Variants in ABI3BP observed in about 807,000 individuals in gnomAD.
ABI3BP encodes ABI family member 3 binding protein.
ABI3BP carries 216 observed loss-of-function variants against 268.6 expected under a neutral mutation model. That is an observed-to-expected ratio of 0.80 (90% confidence interval 0.72 to 0.90). The LOEUF is 0.90. Ranked by LOEUF, ABI3BP falls within the 40% of genes least tolerant of loss-of-function variation. The probability of loss-of-function intolerance (pLI) is 0.00; values close to 1 mark genes in which losing one functional copy is unlikely to be tolerated. For synonymous variants in ABI3BP, 730 were observed against 730.0 expected, an observed-to-expected ratio of 1.00 and a Z score of 0.00; for missense variants, 2,090 against 2,182.4, an observed-to-expected ratio of 0.96 and a Z score of 0.84.
chr3:100,890,349 T>C (rs1177729577), intron 4 of ABI3BP, among the ~76,000 whole-genome samples: 1 of 152,150 alleles, frequency 6.6e-6, no homozygotes, highest in Non-Finnish European at 1.5e-5. Flanking sequence ...AATTCTGCCC[T>C]CATTCCCTTC....
At chr3:100,867,922 G>A (rs148643835) in intron 9 of ABI3BP, among the ~76,000 whole-genome samples, 151 of 152,206 alleles carry the variant, frequency 9.9e-4, no homozygotes, top group Non-Finnish European at 1.6e-3. Context: ...AAATGTAGAT[G>A]TTCTTTTTCA....
chr3:100,847,788 T>G (rs370571625), intron 18 of ABI3BP, 115 bp from the exon 19 acceptor site: 13 of 820,230 alleles, frequency 1.6e-5, no homozygotes, highest in East Asian at 7.3e-5. Flanking sequence ...AGTCAAAGTA[T>G]ACAATGAGTA....
chr3:100,749,619 C>T lies in ABI3BP; in HGVS notation c.*876G>A. On this transcript the variant is annotated 3_prime_UTR_variant, in exon 68 of 68. Transcript: ENST00000471714. ...TCATAGAGGTCTTAACGTATAAATA[C>T]ATAGTAAATATCCTATAAAATGGTA... 2.5e-6 allele frequency: 1 copy of T among 398,126 alleles called. No homozygotes were observed. The highest frequency in any genetic ancestry group is 3.6e-5 in the East Asian group (1 of 27,952). 24.7% of individuals were successfully genotyped at this position (398,126 alleles called of 1,614,324 possible).
At chr3:100,909,104 C>A (rs559516685) in intron 2 of ABI3BP, among the ~76,000 whole-genome samples, 2 of 152,118 alleles carry the variant, frequency 1.3e-5, no homozygotes, top group African/African-American at 2.4e-5. Context: ...AATAACAGCA[C>A]GCATCTACAA....
chr3:100,929,846 A>C (rs1225757241), intron 1 of ABI3BP, among the ~76,000 whole-genome samples: 1 of 151,486 alleles, frequency 6.6e-6, no homozygotes, highest in Non-Finnish European at 1.5e-5. Context: ...TACCAAATTG[A>C]CTCTTTCAGT....
At chr3:100,763,260 A>G (rs2096072864) in intron 63 of ABI3BP, among the ~76,000 whole-genome samples, 1 of 152,192 alleles carries the variant, frequency 6.6e-6, no homozygotes, top group East Asian at 1.9e-4. Flanking sequence ...CAGGAGTTCA[A>G]GACCAGCCTA....
At chr3:100,987,008 T>G (rs534593803) in intron 1 of ABI3BP, among the ~76,000 whole-genome samples, 227 of 152,342 alleles carry the variant, frequency 1.5e-3, no homozygotes, top group Non-Finnish European at 2.8e-3. Context: ...CTTATTTGAC[T>G]AGTAATCTCT....
chr3:100,883,211 G>T (rs1438023225), intron 6 of ABI3BP, among the ~76,000 whole-genome samples: 1 of 126,100 alleles, frequency 7.9e-6, no homozygotes, highest in Non-Finnish European at 1.8e-5. Flanking sequence ...AAAACTAAAA[G>T]AAAGGAAAGA....
At chr3:100,793,826 G>T (rs528431605) in intron 54 of ABI3BP, among the ~76,000 whole-genome samples, 1 of 152,094 alleles carries the variant, frequency 6.6e-6, no homozygotes, top group East Asian at 1.9e-4. Flanking sequence ...GGAGAGAGGA[G>T]CCAACAAACA....
intron 22 of ABI3BP, 96 bp from the exon 23 acceptor site, chr3:100,840,260 T>C: frequency 1.1e-6 from 1 of 918,690 alleles, no homozygotes; most frequent in South Asian, 1.9e-5. Flanking sequence ...TTAAACCCTT[T>C]GATTTACTGT....
At chr3:100,912,102 G>A (rs1291445393) in intron 2 of ABI3BP, 2 of 613,266 alleles carry the variant, frequency 3.3e-6, no homozygotes, top group South Asian at 1.7e-5. Flanking sequence ...CACCTTCCGT[G>A]TCCCAGACAG....
chr3:100,821,464 TG>T (rs2098221669), intron 38 of ABI3BP, among the ~76,000 whole-genome samples: 1 of 152,064 alleles, frequency 6.6e-6, no homozygotes, highest in South Asian at 2.1e-4. Flanking sequence ...TGCCTTCATG[TG>T]GAAAGAACAG....
In ABI3BP at chr3:100,788,224, T is replaced by C. The variant is rs115290162; in HGVS notation, c.4088-422A>G. Among the ~76,000 whole-genome samples, 547 of 152,284 alleles carry C rather than the reference T, an allele frequency of 3.6e-3. 4 individuals are homozygous for C. The highest frequency in any genetic ancestry group is 5.3e-3 in the Non-Finnish European group (360 of 67,996). On this transcript the variant is annotated intron_variant, in intron 56 of 67. Transcript: ENST00000471714. The stretch of plus-strand genomic sequence containing the variant: ...AAGTTGGAGTCTTTCCACATCCTTT[T>C]GTGGGAATCCCTAGGTACAGAGGTT...
chr3:100,912,389 C>G (rs1439975944), intron 2 of ABI3BP, among the ~76,000 whole-genome samples: 1 of 148,594 alleles, frequency 6.7e-6, no homozygotes, highest in Non-Finnish European at 1.5e-5. Context: ...GATACAAGAG[C>G]AGTACCATTA....
At chr3:100,832,040 A>G (rs963638783) in intron 31 of ABI3BP, among the ~76,000 whole-genome samples, 7 of 152,164 alleles carry the variant, frequency 4.6e-5, no homozygotes, top group African/African-American at 1.7e-4. Context: ...TCTTTAAGAC[A>G]GGAATGAAAT....
chr3:100,906,101 G>C (rs1437100456), intron 2 of ABI3BP, among the ~76,000 whole-genome samples: 1 of 152,062 alleles, frequency 6.6e-6, no homozygotes, highest in Admixed American at 6.5e-5. Context: ...TCTCACTCTA[G>C]CAGAGTCTCT....
Position 100,840,746 on chromosome 3 carries a change from T to C in ABI3BP, c.1804+74A>G, listed in dbSNP as rs2152920884. ...GGACATTAATGTATTAATTCATTAA[T>C]GTGAGTCTGTCAACACAGATACCAG... On this transcript the variant is annotated intron_variant, in intron 22 of 67. Transcript: ENST00000471714. 2.3e-6 allele frequency: 3 copies of C among 1,294,682 alleles called. 1 individual carries two copies. Among genetic ancestry groups the C allele is most frequent in the South Asian group, 2.7e-5 (2 of 75,126 alleles). The allele number at this position is 1,294,682 out of a possible 1,614,324, so 80.2% of individuals were successfully genotyped here.
chr3:100,794,905 T>A lies in ABI3BP; in HGVS notation c.3946+18A>T. 1.9e-6 allele frequency: 3 copies of A among 1,540,262 alleles called. No individual in the cohort carries two copies. The highest frequency in any genetic ancestry group is 2.6e-6 in the Non-Finnish European group (3 of 1,135,510). The stretch of plus-strand genomic sequence containing the variant: ...AAAAGGCAAGCTCTCTTTGAACAAA[T>A]ATTAAAACGAAATTTACCCAGAGTG... On this transcript the variant is annotated intron_variant, in intron 54 of 67. Transcript: ENST00000471714.
At position 100,882,229 on chromosome 3, in the gene ABI3BP, G is replaced by T. The variant is rs79087865; in HGVS notation, c.696+3307C>A. 2.6e-5 allele frequency among the ~76,000 whole-genome samples: 4 copies of T among 152,040 alleles called. No homozygotes were observed. The East Asian group carries it at 7.7e-4, about 29-fold the overall frequency. Reference sequence around the variant, plus strand: ...TGAAATTAATTTCATATCTCTTGAAGTATTGCCTTCTAAGATAGGTCTCAG... The same window carrying T: ...TGAAATTAATTTCATATCTCTTGAATTATTGCCTTCTAAGATAGGTCTCAG... On this transcript the variant is annotated intron_variant, in intron 6 of 67. Transcript: ENST00000471714.
Sources: allele counts gnomAD v4.1 joint callset (sites outside exome capture counted in the v4.1 genomes callset), GRCh38; gene constraint gnomAD v4.1.1; transcripts MANE v1.5; gene names NCBI Gene and HGNC (gene_info 2026-07-23, HGNC 2026-07-21).